RUFY3: variants seen among roughly 807,000 people sequenced by gnomAD.
RUFY3 encodes protein RUFY3.
Under a neutral mutation model 84.0 loss-of-function variants are expected in RUFY3, and 34 were observed. The ratio of observed to expected loss-of-function variants is 0.40; its 90% CI spans 0.31 to 0.54. The LOEUF (loss-of-function observed/expected upper bound fraction) is 0.54, where lower values mean the gene tolerates loss of function less well. RUFY3 is among the 20% of genes least tolerant of loss of function. RUFY3 has a pLI of 0.39. For synonymous variants in RUFY3, 242 were observed against 252.9 expected (o/e 0.96, Z 0.41); for missense variants, 507 against 736.8 (o/e 0.69, Z 3.61).
intron 1 of RUFY3, among the ~76,000 whole-genome samples, chr4:70,726,662 G>A (rs1296506567): frequency 7.2e-5 from 11 of 152,220 alleles, no homozygotes; most frequent in Non-Finnish European, 8.8e-5. Flanking sequence ...GTGAGCCACC[G>A]TGCCCCGCCC....
intron 1 of RUFY3, among the ~76,000 whole-genome samples, chr4:70,715,673 TA>T (rs765172642): frequency 1.3e-5 from 2 of 151,888 alleles, no homozygotes; most frequent in Non-Finnish European, 2.9e-5. Context: ...TTTTTCTTCT[TA>T]AATTATGAAA....
intron 13 of RUFY3, 141 bp downstream of exon 13, chr4:70,794,045 C>A (rs1731207642): frequency 1.2e-6 from 1 of 867,088 alleles, no homozygotes; most frequent in Non-Finnish European, 1.7e-6. Flanking sequence ...ATTCAGAAAG[C>A]TTCACGTACT....
chr4:70,741,657 A>G, intron 1 of RUFY3: 1 of 1,521,972 alleles, frequency 6.6e-7, no homozygotes, highest in Non-Finnish European at 8.8e-7. Flanking sequence ...GATTTGGTGG[A>G]GCAAATGCGC....
At chr4:70,749,523 G>T (rs1349759367) in intron 1 of RUFY3, among the ~76,000 whole-genome samples, 3 of 139,422 alleles carry the variant, frequency 2.2e-5, no homozygotes, top group Non-Finnish European at 4.7e-5. Flanking sequence ...CATCAAAAGG[G>T]TTTTTTTTTT....
chr4:70,790,340 A>G (rs1730602335), intron 12 of RUFY3, among the ~76,000 whole-genome samples: 1 of 152,180 alleles, frequency 6.6e-6, no homozygotes. Context: ...CGTGGTACCC[A>G]AGGTCATTTG....
chr4:70,764,558 A>G lies in RUFY3; in HGVS notation c.554A>G (p.Asn185Ser), dbSNP rs1285859970. 1 of 1,610,048 alleles carries G rather than the reference A, an allele frequency of 6.2e-7. No homozygotes were observed. Among genetic ancestry groups the G allele is most frequent in the African/African-American group, 1.3e-5 (1 of 74,766 alleles). The change falls in exon 4 of 18, where the codon AAT (asparagine) becomes AGT (serine). Residue 185 changes from asparagine to serine, a missense_variant. Physicochemically the swap from Asn to Ser is conservative, Grantham distance 46 (BLOSUM62 1). Coordinates refer to ENST00000381006, the MANE Select transcript of RUFY3 (RefSeq NM_001037442.4). ...KLSEYMKALI[N>S]KKELLSEFYE... Reference sequence around the variant, plus strand: ...TCAGAATATATGAAAGCTTTGATCAATAAGAAAGAACTTCTCAGGTATGAA... The same window carrying G: ...TCAGAATATATGAAAGCTTTGATCAGTAAGAAAGAACTTCTCAGGTATGAA...
intron 3 of RUFY3, among the ~76,000 whole-genome samples, chr4:70,764,015 C>T (rs967045459): frequency 2.6e-5 from 4 of 152,162 alleles, no homozygotes; most frequent in African/African-American, 9.7e-5. Context: ...AAGATTAAAA[C>T]AGCTGTCAAA....
chr4:70,751,966 AG>A (rs1311581138), intron 1 of RUFY3, among the ~76,000 whole-genome samples: 2 of 152,198 alleles, frequency 1.3e-5, no homozygotes, highest in Non-Finnish European at 2.9e-5. Flanking sequence ...ATTTTAGTAG[AG>A]ATGGGGTTTC....
rs368111496 is a variant in RUFY3 at position 70,733,380 on chromosome 4, C to G, written c.178+10629C>G. 1.1e-4 allele frequency among the ~76,000 whole-genome samples: 17 copies of G among 152,110 alleles called. No individual in the cohort carries two copies. In the East Asian group the frequency reaches 3.1e-3, roughly 28 times the overall value. On this transcript the variant is annotated intron_variant, in intron 1 of 17. Transcript: ENST00000381006. ...GATAAAAATATGGGACGACTTGGGG[C>G]CTCTGCTAGTGGGAATGTGCATTGG...
chr4:70,728,350 T>C (rs1469159805), intron 1 of RUFY3, among the ~76,000 whole-genome samples: 1 of 152,222 alleles, frequency 6.6e-6, no homozygotes. Context: ...TTGCTGCCGC[T>C]GCGCAGCATC....
At chr4:70,767,396 C>T (rs1451713165) in intron 4 of RUFY3, among the ~76,000 whole-genome samples, 1 of 150,846 alleles carries the variant, frequency 6.6e-6, no homozygotes, top group Non-Finnish European at 1.5e-5. Context: ...AGGCGTGAGC[C>T]ACTGCGCCTG....
intron 2 of RUFY3, 102 bp downstream of exon 2, chr4:70,762,794 G>T: frequency 1.0e-6 from 1 of 990,244 alleles, no homozygotes; most frequent in South Asian, 1.7e-5. Flanking sequence ...TAAGAGGCTT[G>T]AATTAATAAT....
Position 70,794,855 on chromosome 4 carries a change from C to G in RUFY3, c.1518C>G (p.Ser506Arg), listed in dbSNP as rs1338139959. 5 of 1,612,730 alleles carry G rather than the reference C, an allele frequency of 3.1e-6. No individual in the cohort carries two copies. The East Asian group carries it at 1.1e-4, about 36-fold the overall frequency. Residue 506 changes from serine (S) to arginine (R), a missense_variant, in exon 14 of 18, where the codon AGC (serine) becomes AGG (arginine). Physicochemically the swap from Ser to Arg is moderately radical, Grantham distance 110 (BLOSUM62 -1). Around this residue, in one of 4 missense-constraint regions of RUFY3, gnomAD observed 334 missense variants for 364.1 expected, o/e 0.92. Transcript: ENST00000381006. ...AAAGAAGATTACAAAACGACAGGAG[C>G]ATCCCAGGAAGGGGTTCCCAGAAGT... is the stretch of plus-strand genomic sequence containing the variant. ...EKERRLQNDR[S>R]IPGRGSQKSE...
intron 1 of RUFY3, among the ~76,000 whole-genome samples, chr4:70,746,849 G>A (rs1481238606): frequency 6.6e-6 from 1 of 152,220 alleles, no homozygotes; most frequent in African/African-American, 2.4e-5. Flanking sequence ...AGTGATGAAA[G>A]TATAGAAATG....
chr4:70,720,575 A>G (rs1239286624), upstream of RUFY3, among the ~76,000 whole-genome samples: 1 of 152,174 alleles, frequency 6.6e-6, no homozygotes, highest in Non-Finnish European at 1.5e-5. Context: ...GTCTCAAATT[A>G]TGATGAAGCA....
intron 1 of RUFY3, among the ~76,000 whole-genome samples, chr4:70,733,170 G>GAA (rs1719735604): frequency 6.8e-6 from 1 of 146,952 alleles, no homozygotes; most frequent in Non-Finnish European, 1.5e-5. Flanking sequence ...GAGAGAGAAA[G>GAA]AAAGAAAGAA....
intron 1 of RUFY3, among the ~76,000 whole-genome samples, chr4:70,740,101 A>G (rs1210200635): frequency 1.3e-5 from 2 of 152,178 alleles, no homozygotes; most frequent in African/African-American, 4.8e-5. Context: ...AGCTGGTGGC[A>G]CTGTAAACAT....
intron 8 of RUFY3, among the ~76,000 whole-genome samples, chr4:70,780,248 C>G (rs115459674): frequency 6.6e-6 from 1 of 152,028 alleles, no homozygotes; most frequent in African/African-American, 2.4e-5. Context: ...CATGTCCTGG[C>G]TCTGGCACTT....
chr4:70,722,162 A>AG lies in RUFY3; in HGVS notation c.-410dup. On this transcript the variant is annotated 5_prime_UTR_variant, in exon 1 of 18. Coordinates refer to ENST00000381006, the MANE Select transcript of RUFY3 (RefSeq NM_001037442.4). ...TTTATATTTTTTTTCTGCACAAAGG[A>AG]GGAGGATTTTTCACTTACTCATATC... The AG allele has an allele frequency of 8.1e-7, 1 of 1,230,966 alleles. No individual in the cohort carries two copies. The highest frequency in any genetic ancestry group is 1.0e-6 in the Non-Finnish European group (1 of 987,700). The allele number at this position is 1,230,966 out of a possible 1,614,324, so 76.3% of individuals were successfully genotyped here.
Sources: gnomAD v4.1 joint callset for allele counts (sites outside exome capture counted in the v4.1 genomes callset) on GRCh38, gnomAD v4.1.1 for gene constraint, gnomAD v4.1.1 regional missense constraint, MANE v1.5 for transcripts, NCBI Gene and HGNC (gene_info 2026-07-23, HGNC 2026-07-21) for gene names.